RELN: variants seen among roughly 807,000 people sequenced by gnomAD.
RELN encodes the protein reelin.
In RELN, 108 loss-of-function variants were observed where a neutral mutation model predicts 427.6. That is an observed-to-expected ratio of 0.25 (90% CI 0.22 to 0.30). The LOEUF is 0.30. Ranked by LOEUF, RELN falls within the 10% of genes least tolerant of loss-of-function variation. The probability of loss-of-function intolerance (pLI) is 1.00; values close to 1 mark genes in which losing one functional copy is unlikely to be tolerated. For synonymous variants in RELN, 1,524 were observed against 1,513.4 expected (o/e 1.01, Z -0.16); for missense variants, 3,715 against 4,302.8 (o/e 0.86, Z 3.82).
rs561445596 is a variant in RELN at position 103,753,140 on chromosome 7, T to C, written c.577+42A>G. On this transcript the variant is annotated intron_variant, in intron 5 of 64. Coordinates refer to ENST00000428762, the MANE Select transcript of RELN (RefSeq NM_005045.4). ...TAGCCAGAAAAGCCAAACAAGTAGATCAAGTACTAAAGTTAATGACATCAG... is the reference window on the plus strand; with the variant it reads ...TAGCCAGAAAAGCCAAACAAGTAGACCAAGTACTAAAGTTAATGACATCAG... 9 of 1,605,704 alleles carry C rather than the reference T, an allele frequency of 5.6e-6. No homozygotes were observed. In the East Asian group the frequency reaches 1.3e-4, roughly 24 times the overall value.
At chr7:103,544,206 AAAAG>A (rs1264497813) in intron 42 of RELN, among the ~76,000 whole-genome samples, 2 of 151,166 alleles carry the variant, frequency 1.3e-5, no homozygotes, top group Non-Finnish European at 2.9e-5. Context: ...AAACTGAGCA[AAAAG>A]AAAGAAAATC....
intron 31 of RELN, among the ~76,000 whole-genome samples, chr7:103,571,289 C>T (rs988731740): frequency 2.6e-5 from 4 of 152,160 alleles, no homozygotes; most frequent in Non-Finnish European, 5.9e-5. Flanking sequence ...ATCTGAGAAA[C>T]CTATGAATTT....
chr7:103,800,206 T>G (rs577439598), intron 3 of RELN, among the ~76,000 whole-genome samples: 1 of 152,200 alleles, frequency 6.6e-6, no homozygotes, highest in Admixed American at 6.5e-5. Context: ...TGTCCCTTTT[T>G]GCAGATGACA....
chr7:103,856,344 G>C (rs1429216453), intron 2 of RELN, among the ~76,000 whole-genome samples: 1 of 151,892 alleles, frequency 6.6e-6, no homozygotes, highest in Non-Finnish European at 1.5e-5. Context: ...TTGGGGGGCT[G>C]AGGCAGGTGG....
In RELN at chr7:103,542,784, A is replaced by G; in HGVS notation, c.6618T>C (p.Asn2206=). ...TCATCAACATGCGCAAGCCATCTTC[A>G]TTGAAAAAGAGGTTGTTTCCACTAG... ...ILSSGNNLFF[N]EDGLRMLMTR... is the part of the protein sequence containing the mutation. The change falls in exon 43 of 65, where the codon AAT becomes AAC. Residue 2206 remains asparagine (N), a synonymous_variant. Transcript: ENST00000428762. 2 of 1,614,158 alleles carry G rather than the reference A, an allele frequency of 1.2e-6. No homozygotes were observed. Among genetic ancestry groups the G allele is most frequent in the Non-Finnish European group, 8.5e-7 (1 of 1,180,012 alleles).
At chr7:103,872,196 A>G (rs1157552710) in intron 2 of RELN, among the ~76,000 whole-genome samples, 1 of 119,244 alleles carries the variant, frequency 8.4e-6, no homozygotes, top group Non-Finnish European at 1.8e-5. Flanking sequence ...TATATCTCCC[A>G]ATGCTATCCC....
intron 61 of RELN, among the ~76,000 whole-genome samples, chr7:103,485,618 C>T (rs1586471762): frequency 6.6e-6 from 1 of 152,172 alleles, no homozygotes; most frequent in South Asian, 2.1e-4. Context: ...GAAATTCAAT[C>T]CTTCTTATGT....
In RELN at chr7:103,962,988, G is replaced by A. The variant is rs138604217; in HGVS notation, c.226+26143C>T. On this transcript the variant is annotated intron_variant, in intron 1 of 64. Transcript: ENST00000428762. ...GACACTGGGGAAAGGTTGAGAAAACGTCCAGCTTTGCTAGGTGTGCCAGAG... is the reference window on the plus strand; with the variant it reads ...GACACTGGGGAAAGGTTGAGAAAACATCCAGCTTTGCTAGGTGTGCCAGAG... Among the ~76,000 whole-genome samples, 7 of 152,234 alleles carry A rather than the reference G, an allele frequency of 4.6e-5. No homozygotes were observed. The East Asian group carries it at 1.4e-3, about 29-fold the overall frequency.
In RELN at chr7:103,545,336, C is replaced by A; in HGVS notation, c.6311G>T (p.Arg2104Leu). The A allele has an allele frequency of 6.2e-7, 1 of 1,611,698 alleles. No homozygotes were observed. Among genetic ancestry groups the A allele is most frequent in the Non-Finnish European group, 8.5e-7 (1 of 1,177,844 alleles). Residue 2104 changes from arginine to leucine, a missense_variant, in exon 42 of 65, where the codon CGT (arginine) becomes CTT (leucine). By Grantham distance (102) the Arg-to-Leu change is moderately radical. Around this residue, in one of 4 missense-constraint regions of RELN, gnomAD observed 1,310 missense variants for 1,643.0 expected, o/e 0.80. Transcript: ENST00000428762. The part of the protein sequence containing the change: ...FGKLHLCGSV[R>L]FRWYQGFYPA... ...GTAAAATCCCTGGTACCATCTGAAA[C>A]GGACAGATCTGGAAAAGAGGACAAG...
At chr7:103,485,111 TAA>T (rs1459882902) in intron 61 of RELN, among the ~76,000 whole-genome samples, 2 of 150,660 alleles carry the variant, frequency 1.3e-5, no homozygotes, top group Non-Finnish European at 1.5e-5. Context: ...TATAAATGCA[TAA>T]ACTAATTGAA....
At chr7:103,526,456 G>A (rs1045953806) in intron 46 of RELN, among the ~76,000 whole-genome samples, 3 of 152,132 alleles carry the variant, frequency 2.0e-5, no homozygotes, top group Non-Finnish European at 4.4e-5. Context: ...TATAATAAGG[G>A]AGTTAAATGA....
intron 27 of RELN, among the ~76,000 whole-genome samples, chr7:103,592,397 C>T (rs568808914): frequency 6.6e-6 from 1 of 152,208 alleles, no homozygotes; most frequent in South Asian, 2.1e-4. Flanking sequence ...TGTAGTGTTC[C>T]ATGGTGTATA....
In RELN at chr7:103,948,546, G is replaced by A. The variant is rs577472509; in HGVS notation, c.227-31361C>T. Among the ~76,000 whole-genome samples, 6 of 152,176 alleles carry A rather than the reference G, an allele frequency of 3.9e-5. No individual in the cohort carries two copies. In the East Asian group the frequency reaches 9.7e-4, roughly 25 times the overall value. On this transcript the variant is annotated intron_variant, in intron 1 of 64. Transcript: ENST00000428762. ...AAATTAGCTGGGCATGGTGGCACACGCCTGCAGTCCCAGCTACTCGGGAGG... is the reference window on the plus strand; with the variant it reads ...AAATTAGCTGGGCATGGTGGCACACACCTGCAGTCCCAGCTACTCGGGAGG...
chr7:103,848,301 A>G (rs117059348), intron 2 of RELN, among the ~76,000 whole-genome samples: 199 of 152,350 alleles, frequency 1.3e-3, no homozygotes, highest in Non-Finnish European at 1.2e-3. Flanking sequence ...AAATTTCAAC[A>G]TTTAATGAAT....
chr7:103,509,965 C>T (rs566495164), intron 51 of RELN, among the ~76,000 whole-genome samples: 17 of 152,178 alleles, frequency 1.1e-4, no homozygotes, highest in Admixed American at 3.3e-4. Context: ...GTTAGAATGG[C>T]GATCATTAAA....
intron 53 of RELN, among the ~76,000 whole-genome samples, chr7:103,499,127 G>A (rs1828938237): frequency 6.6e-6 from 1 of 152,100 alleles, no homozygotes; most frequent in Non-Finnish European, 1.5e-5. Context: ...CTCTATATAA[G>A]TCAAAAGAAA....
intron 57 of RELN, among the ~76,000 whole-genome samples, chr7:103,494,365 T>TTG (rs58533286): frequency 0.095 from 11,203 of 118,156 alleles, 465 homozygotes; most frequent in South Asian, 0.17. Flanking sequence ...GTAATGACTT[T>TTG]TGTGTGTGTG....
At chr7:103,729,289 G>A (rs567601636) in intron 6 of RELN, among the ~76,000 whole-genome samples, 135 of 152,168 alleles carry the variant, frequency 8.9e-4, no homozygotes, top group African/African-American at 2.9e-3. Flanking sequence ...CCTTTCAGCC[G>A]TTTGTTAATT....
At chr7:103,545,101 T>C (rs370100363) in intron 42 of RELN, 23 bp downstream of exon 42, 19 of 1,588,002 alleles carry the variant, frequency 1.2e-5, no homozygotes, top group African/African-American at 1.1e-4. Flanking sequence ...CAAGACTACA[T>C]AGAATTTGTA....
Sources: gnomAD v4.1 joint callset for allele counts (sites outside exome capture counted in the v4.1 genomes callset) on GRCh38, gnomAD v4.1.1 for gene constraint, gnomAD v4.1.1 regional missense constraint, MANE v1.5 for transcripts, NCBI Gene and HGNC (gene_info 2026-07-23, HGNC 2026-07-21) for gene names.